CTBS: variants seen among roughly 807,000 people sequenced by gnomAD.
CTBS encodes the protein di-N-acetylchitobiase.
In CTBS, 35 loss-of-function variants were observed where a neutral mutation model predicts 44.3. The observed-to-expected ratio is 0.79, with a 90% confidence interval of 0.60 to 1.05. The LOEUF (loss-of-function observed/expected upper bound fraction) is 1.05, where lower values mean the gene tolerates loss of function less well. CTBS is among the 50% of genes least tolerant of loss of function. CTBS has a pLI of 0.00. For missense variants in CTBS, 458 were observed against 475.3 expected, an observed-to-expected ratio of 0.96 and a Z score of 0.34; for synonymous variants, 143 against 168.0, an observed-to-expected ratio of 0.85 and a Z score of 1.15.
intron 1 of CTBS, among the ~76,000 whole-genome samples, chr1:84,571,181 C>T (rs1389483947): frequency 6.6e-6 from 1 of 152,096 alleles, no homozygotes. Flanking sequence ...ATATTTTCAG[C>T]TGCAGTGGGA....
chr1:84,566,646 T>G (rs1347545150), intron 3 of CTBS, among the ~76,000 whole-genome samples: 2 of 152,146 alleles, frequency 1.3e-5, no homozygotes, highest in Non-Finnish European at 2.9e-5. Context: ...CTTTCTTTTT[T>G]GGGGGGGATG....
chr1:84,559,680 T>C (rs558482114), intron 6 of CTBS, among the ~76,000 whole-genome samples: 2 of 152,008 alleles, frequency 1.3e-5, no homozygotes, highest in Non-Finnish European at 2.9e-5. Context: ...CAATGGGAAT[T>C]TTGCAATGAA....
chr1:84,573,610 T>C (rs1216111708), intron 1 of CTBS, among the ~76,000 whole-genome samples: 1 of 152,238 alleles, frequency 6.6e-6, no homozygotes, highest in African/African-American at 2.4e-5. Context: ...CTTCCTGATG[T>C]CATCCAATTC....
chr1:84,568,344 A>C (rs1684735084), intron 3 of CTBS, among the ~76,000 whole-genome samples: 1 of 152,146 alleles, frequency 6.6e-6, no homozygotes, highest in African/African-American at 2.4e-5. Flanking sequence ...TGAGGAGGAG[A>C]AGGGGTATTG....
At chr1:84,557,073 C>CA (rs112712184) in intron 6 of CTBS, among the ~76,000 whole-genome samples, 13,640 of 152,096 alleles carry the variant, frequency 0.09, 1,203 homozygotes, top group African/African-American at 0.23. Context: ...GAACAAAGGG[C>CA]AAAAACTAAG....
chr1:84,570,049 T>G lies in CTBS; in HGVS notation c.407A>C (p.Asp136Ala). 6.2e-7 allele frequency: 1 copy of G among 1,613,722 alleles called. No individual in the cohort carries two copies. Among genetic ancestry groups the G allele is most frequent in the East Asian group, 2.2e-5 (1 of 44,780 alleles). The change falls in exon 3 of 7, where the codon GAT becomes GCT. Residue 136 changes from aspartate (D) to alanine (A), a missense_variant. Asp to Ala is a moderately radical substitution (Grantham distance 126). Transcript: ENST00000370630. ...KLNLAKTQYM[D>A]GINIDIEQEV... ...TTGCTCTATATCTATATTAATTCCA[T>G]CCATATATTGTGTTTTGGCCAAATT...
rs1244915848 is a variant in CTBS, at chr1:84,553,889, T to G, written c.*1110A>C. On this transcript the variant is annotated 3_prime_UTR_variant, in exon 7 of 7. Transcript: ENST00000370630. ...CAGCACAATGTTGTTCTTAATTCCCTGGAGAAAGAAAACAGACTTTATTAC... is the reference window on the plus strand; with the variant it reads ...CAGCACAATGTTGTTCTTAATTCCCGGGAGAAAGAAAACAGACTTTATTAC... 6.6e-6 allele frequency: 1 copy of G among 152,210 alleles called. No individual in the cohort carries two copies. The highest frequency in any genetic ancestry group is 1.5e-5 in the Non-Finnish European group (1 of 68,030). The allele number at this position is 152,210 out of a possible 1,614,324, so 9.4% of individuals were successfully genotyped here. A position where few individuals can be genotyped will look rare whatever the true frequency, so the allele number is the denominator to read the frequency against.
rs1184123168 is a variant in CTBS at position 84,570,166 on chromosome 1, A to C, written c.317-27T>G. ...TGTGGAAGAAGTATATATCTTTTGA[A>C]CATGTATGCAAAAACATTTCATTAT... On this transcript the variant is annotated intron_variant, in intron 2 of 6. Transcript: ENST00000370630. 3.2e-6 allele frequency: 5 copies of C among 1,568,548 alleles called. No homozygotes were observed. The Admixed American group carries it at 9.2e-5, about 29-fold the overall frequency.
chr1:84,551,062 G>A lies in CTBS; in HGVS notation c.*3937C>T, dbSNP rs944488599. ...TTTTGTATAGCAGATGCTTAGTAGA[G>A]GCTTCTGGGCATGCTCTATTTGGTG... is the stretch of plus-strand genomic sequence containing the variant. On this transcript the variant is annotated 3_prime_UTR_variant, in exon 7 of 7. Coordinates refer to ENST00000370630, the MANE Select transcript of CTBS (RefSeq NM_004388.3). 4 of 985,074 alleles carry A rather than the reference G, an allele frequency of 4.1e-6. No homozygotes were observed. Among genetic ancestry groups the A allele is most frequent in the Non-Finnish European group, 4.8e-6 (4 of 829,824 alleles). The allele number at this position is 985,074 out of a possible 1,614,324, so 61.0% of individuals were successfully genotyped here. A position where few individuals can be genotyped will look rare whatever the true frequency, so the allele number is the denominator to read the frequency against.
chr1:84,559,345 G>A (rs1232138491), intron 6 of CTBS, among the ~76,000 whole-genome samples: 3 of 152,178 alleles, frequency 2.0e-5, no homozygotes, highest in Admixed American at 1.3e-4. Context: ...ATTTGGCTAG[G>A]CGCGGTAGCT....
chr1:84,570,575 A>C lies in CTBS; in HGVS notation c.316+7T>G. On this transcript the variant is annotated splice_region_variant and intron_variant, in intron 2 of 6. Transcript: ENST00000370630. ...TTGCTGCACACATAGATCTGGAAACAACATACCTTTAAGTACTACTCTGGC... is the reference window on the plus strand; with the variant it reads ...TTGCTGCACACATAGATCTGGAAACCACATACCTTTAAGTACTACTCTGGC... 2 of 1,605,672 alleles carry C rather than the reference A, an allele frequency of 1.2e-6. No individual in the cohort carries two copies. Among genetic ancestry groups the C allele is most frequent in the Non-Finnish European group, 1.7e-6 (2 of 1,175,244 alleles).
chr1:84,558,477 G>A (rs1371687659), intron 6 of CTBS, among the ~76,000 whole-genome samples: 1 of 151,370 alleles, frequency 6.6e-6, no homozygotes, highest in Non-Finnish European at 1.5e-5. Flanking sequence ...ATTTTTAGTA[G>A]AGACGGGGTT....
At chr1:84,571,901 G>A (rs899894234) in intron 1 of CTBS, among the ~76,000 whole-genome samples, 1 of 152,134 alleles carries the variant, frequency 6.6e-6, no homozygotes, top group African/African-American at 2.4e-5. Flanking sequence ...CTGAGGGAAG[G>A]GAAAGCCCAA....
chr1:84,556,335 CT>C (rs898171822), intron 6 of CTBS, among the ~76,000 whole-genome samples: 1 of 152,164 alleles, frequency 6.6e-6, no homozygotes, highest in African/African-American at 2.4e-5. Flanking sequence ...TTATATACAT[CT>C]AGGAAACTCC....
chr1:84,557,061 A>G (rs1428074028), intron 6 of CTBS, among the ~76,000 whole-genome samples: 1 of 149,432 alleles, frequency 6.7e-6, no homozygotes, highest in Non-Finnish European at 1.5e-5. Flanking sequence ...AAAATTGTAA[A>G]GGAACAAAGG....
intron 1 of CTBS, 41 bp downstream of exon 1, chr1:84,574,198 C>A: frequency 6.3e-7 from 1 of 1,588,540 alleles, no homozygotes; most frequent in Non-Finnish European, 8.6e-7. Flanking sequence ...TCTCTTCGTG[C>A]CCTGAAGCCC....
In CTBS at chr1:84,550,206, C is replaced by T. The variant is rs538733277; in HGVS notation, c.*4793G>A. The stretch of plus-strand genomic sequence containing the variant: ...TCATAGTAATAGTTGTTGGTTTTTA[C>T]GATGCTAATTTAATGGTAACTTTAG... On this transcript the variant is annotated 3_prime_UTR_variant, in exon 7 of 7. Transcript: ENST00000370630. 2.4e-4 allele frequency: 72 copies of T among 299,088 alleles called. No individual in the cohort carries two copies. The highest frequency in any genetic ancestry group is 1.2e-3 in the African/African-American group (55 of 46,004). 18.5% of individuals were successfully genotyped at this position (299,088 alleles called of 1,614,324 possible).
intron 1 of CTBS, chr1:84,573,788 G>C (rs529686580): frequency 1.5e-6 from 1 of 662,434 alleles, no homozygotes; most frequent in East Asian, 1.3e-4. Flanking sequence ...GTACTTTAAA[G>C]GAAAGGGCTA....
At chr1:84,572,749 T>TTCCGCCTCCCGCTCCGCCTCCCGC (rs200770436) in intron 1 of CTBS, among the ~76,000 whole-genome samples, 5 of 151,736 alleles carry the variant, frequency 3.3e-5, no homozygotes, top group Non-Finnish European at 7.4e-5. Context: ...AACTGCAACC[T>TTCCGCCTCCCGCTCCGCCTCCCGC]TCCGCCTCCC....
Sources: gnomAD v4.1 joint callset for allele counts (sites outside exome capture counted in the v4.1 genomes callset) on GRCh38, gnomAD v4.1.1 for gene constraint, MANE v1.5 for transcripts, NCBI Gene and HGNC (gene_info 2026-07-23, HGNC 2026-07-21) for gene names.